The following EPB41 variants were observed in gnomAD, a reference collection of about 807,000 sequenced individuals.
EPB41 encodes the protein erythrocyte membrane protein band 4.1, also known as protein 4.1.
EPB41 carries 65 observed loss-of-function variants against 108.0 expected under a neutral mutation model. The observed-to-expected ratio is 0.60, with a 90% CI of 0.49 to 0.74. The LOEUF is 0.74. Ranked by LOEUF, EPB41 falls within the 30% of genes least tolerant of loss-of-function variation. EPB41 has a pLI of 0.00. For synonymous variants in EPB41, 336 were observed against 358.9 expected (o/e 0.94, Z 0.72); for missense variants, 875 against 1,037.0 (o/e 0.84, Z 2.15).
intron 1 of EPB41, among the ~76,000 whole-genome samples, chr1:28,941,598 T>C (rs2094287824): frequency 6.6e-6 from 1 of 152,152 alleles, no homozygotes; most frequent in Non-Finnish European, 1.5e-5. Flanking sequence ...AATAAGTGAT[T>C]TAAAATGCTT....
chr1:29,070,127 T>A (rs1650610123), intron 16 of EPB41: 1 of 352,728 alleles, frequency 2.8e-6, no homozygotes, highest in East Asian at 4.2e-5. Flanking sequence ...AGCCAGTGAT[T>A]CCTTGAACTT....
chr1:28,888,186 A>G (rs2089670312), intron 1 of EPB41, among the ~76,000 whole-genome samples: 1 of 152,154 alleles, frequency 6.6e-6, no homozygotes, highest in Non-Finnish European at 1.5e-5. Flanking sequence ...CCGCCTCTGG[A>G]GCCCTTTCCT....
At chr1:28,956,293 C>G (rs1176114124) in intron 1 of EPB41, among the ~76,000 whole-genome samples, 1 of 152,058 alleles carries the variant, frequency 6.6e-6, no homozygotes, top group Non-Finnish European at 1.5e-5. Context: ...ACAACTGTGG[C>G]TAGGAAACTG....
At chr1:29,105,426 C>T (rs191680371) in intron 17 of EPB41, among the ~76,000 whole-genome samples, 298 of 151,916 alleles carry the variant, frequency 2.0e-3, no homozygotes, top group South Asian at 3.1e-3. Flanking sequence ...TTAGTAGAGA[C>T]GGGGTTTCAC....
intron 1 of EPB41, chr1:28,902,457 G>T: frequency 1.1e-6 from 1 of 881,982 alleles, no homozygotes; most frequent in Non-Finnish European, 1.4e-6. Context: ...AGAGAGCTGT[G>T]CTAGACACTG....
At chr1:29,022,692 G>T (rs1325509955) in intron 7 of EPB41, among the ~76,000 whole-genome samples, 1 of 151,958 alleles carries the variant, frequency 6.6e-6, no homozygotes, top group African/African-American at 2.4e-5. Context: ...TTGCACTACA[G>T]CCTGGGCGAC....
At chr1:29,050,193 C>T (rs1037968771) in intron 11 of EPB41, among the ~76,000 whole-genome samples, 1 of 152,250 alleles carries the variant, frequency 6.6e-6, no homozygotes, top group Admixed American at 6.5e-5. Flanking sequence ...TCCACGCAGC[C>T]TTTCACAGCC....
intron 8 of EPB41, among the ~76,000 whole-genome samples, chr1:29,031,329 A>G (rs144597547): frequency 6.6e-6 from 1 of 152,330 alleles, no homozygotes; most frequent in African/African-American, 2.4e-5. Flanking sequence ...AGCATCACCT[A>G]CATCGAATCA....
At chr1:28,936,763 T>C (rs1393846559) in intron 1 of EPB41, among the ~76,000 whole-genome samples, 3 of 152,238 alleles carry the variant, frequency 2.0e-5, no homozygotes, top group South Asian at 4.1e-4. Context: ...CACTGTAGTA[T>C]CACACAAAAA....
intron 16 of EPB41, among the ~76,000 whole-genome samples, chr1:29,068,977 G>C (rs904683849): frequency 6.6e-6 from 1 of 152,164 alleles, no homozygotes; most frequent in East Asian, 1.9e-4. Flanking sequence ...TGCAGCTTTC[G>C]ATTTGCTTAT....
At chr1:29,108,148 CTTT>C (rs544874657) in intron 17 of EPB41, among the ~76,000 whole-genome samples, 5 of 129,104 alleles carry the variant, frequency 3.9e-5, no homozygotes, top group East Asian at 4.6e-4. Flanking sequence ...CCTCTTATTT[CTTT>C]TTTTTTTTTT....
chr1:28,915,537 GA>G (rs1392983749), intron 1 of EPB41, among the ~76,000 whole-genome samples: 1 of 152,014 alleles, frequency 6.6e-6, no homozygotes. Flanking sequence ...ATTCTCTTGA[GA>G]AAAAGTGATC....
intron 14 of EPB41, among the ~76,000 whole-genome samples, chr1:29,060,066 G>A (rs550321120): frequency 5.3e-5 from 8 of 152,210 alleles, no homozygotes; most frequent in Admixed American, 3.9e-4. Flanking sequence ...TTCACTCCAT[G>A]ATACATGGAG....
chr1:29,070,666 C>T (rs1432359902), intron 16 of EPB41: 2 of 1,231,564 alleles, frequency 1.6e-6, no homozygotes, highest in East Asian at 3.2e-5. Context: ...AACTTCTGTC[C>T]TTGGCTTCAA....
At chr1:28,905,369 T>C (rs203290) in intron 1 of EPB41, among the ~76,000 whole-genome samples, 3 of 145,944 alleles carry the variant, frequency 2.1e-5, no homozygotes, top group Non-Finnish European at 3.0e-5. Context: ...TGGTGGTACG[T>C]GCCTGTAATC....
At chr1:29,078,819 T>G (rs1655177008) in intron 16 of EPB41, among the ~76,000 whole-genome samples, 1 of 152,278 alleles carries the variant, frequency 6.6e-6, no homozygotes, top group South Asian at 2.1e-4. Context: ...CCAAATTGCA[T>G]TGTGTTAACT....
intron 12 of EPB41, 28 bp from the exon 13 acceptor site, chr1:29,058,561 T>C (rs1404719849): frequency 6.2e-7 from 1 of 1,604,336 alleles, no homozygotes; most frequent in African/African-American, 1.3e-5. Context: ...CCTAAAATGT[T>C]TTTACTACTT....
At chr1:29,106,599 A>G (rs555012830) in intron 17 of EPB41, among the ~76,000 whole-genome samples, 2 of 53,706 alleles carry the variant, frequency 3.7e-5, no homozygotes, top group African/African-American at 6.2e-5. Context: ...TTTGAGATGG[A>G]GTCTTCCTCT....
rs1558162211 is a variant in EPB41 at position 29,053,120 on chromosome 1, G to GGCAGACC, written c.1655_1661dup (p.Ser555ArgfsTer28). 6.2e-7 allele frequency: 1 copy of GGCAGACC among 1,614,000 alleles called. No homozygotes were observed. The highest frequency in any genetic ancestry group is 8.5e-7 in the Non-Finnish European group (1 of 1,180,024). Reference sequence around the variant, plus strand: ...CTCACATAGCAGCAGCTGTCGATTCGGCAGACCGAAGTCCTCGGCCCACTT... The same window carrying GGCAGACC: ...CTCACATAGCAGCAGCTGTCGATTCGGCAGACCGCAGACCGAAGTCCTCGGCCCACTT... On this transcript the variant is annotated frameshift_variant, in exon 12 of 21. Transcript: ENST00000343067. LOFTEE classifies it high-confidence loss of function.
Sources: allele counts gnomAD v4.1 joint callset (sites outside exome capture counted in the v4.1 genomes callset), GRCh38; gene constraint gnomAD v4.1.1; transcripts MANE v1.5; gene names NCBI Gene and HGNC (gene_info 2026-07-23, HGNC 2026-07-21).